NF1: variants seen among roughly 807,000 people sequenced by gnomAD.
The protein encoded by NF1 is neurofibromin 1, also known as neurofibromin.
NF1 carries 122 observed loss-of-function variants against 325.7 expected under a neutral mutation model. The ratio of observed to expected loss-of-function variants is 0.37; its 90% CI spans 0.32 to 0.44. The LOEUF (loss-of-function observed/expected upper bound fraction) is 0.44. Ranked by LOEUF, NF1 falls within the 20% of genes least tolerant of loss-of-function variation. NF1 has a pLI of 1.00. For synonymous variants in NF1, 1,091 were observed against 1,186.0 expected (o/e 0.92, Z 1.65); for missense variants, 2,140 against 3,415.4 (o/e 0.63, Z 9.31).
chr17:31,376,402 T>C lies in NF1; in HGVS notation c.*2247T>C, dbSNP rs745818146. ...TTCATACCGCCTGAAATGATCAGCA[T>C]TGGCACAAATCAAAATTCAGCCGCC... On this transcript the variant is annotated 3_prime_UTR_variant, in exon 58 of 58. Coordinates refer to ENST00000358273, the MANE Select transcript of NF1 (RefSeq NM_001042492.3). 40 of 232,920 alleles carry C rather than the reference T, an allele frequency of 1.7e-4. No homozygotes were observed. The highest frequency in any genetic ancestry group is 1.3e-3 in the Admixed American group (24 of 17,796). 14.4% of individuals were successfully genotyped at this position (232,920 alleles called of 1,614,324 possible). A position where few individuals can be genotyped will look rare whatever the true frequency, so the allele number is the denominator to read the frequency against.
intron 1 of NF1, among the ~76,000 whole-genome samples, chr17:31,115,645 T>C (rs1359767876): frequency 6.6e-6 from 1 of 152,214 alleles, no homozygotes; most frequent in Non-Finnish European, 1.5e-5. Flanking sequence ...TGATGGAGTA[T>C]GTGGTAAGAC....
intron 44 of NF1, 50 bp from the exon 45 acceptor site, chr17:31,337,975 A>T (rs780989000): frequency 6.5e-7 from 1 of 1,538,908 alleles, no homozygotes; most frequent in East Asian, 2.3e-5. Context: ...ATTATTTAGT[A>T]TATATAAACA....
chr17:31,150,157 T>C (rs1183618753), intron 1 of NF1, among the ~76,000 whole-genome samples: 1 of 152,194 alleles, frequency 6.6e-6, no homozygotes, highest in Non-Finnish European at 1.5e-5. Flanking sequence ...TTCTAGAATA[T>C]TTGCCTTTTA....
intron 25 of NF1, 59 bp from the exon 26 acceptor site, chr17:31,232,641 G>A: frequency 6.6e-7 from 1 of 1,512,512 alleles, no homozygotes; most frequent in Non-Finnish European, 9.1e-7. Context: ...GGAATGTCTG[G>A]TTAGCTTTCT....
At chr17:31,361,081 CAAAAA>C (rs60249232) in intron 57 of NF1, 84 of 46,562 alleles carry the variant, frequency 1.8e-3, no homozygotes, top group Middle Eastern at 0.019. Context: ...CATACTATAT[CAAAAA>C]AAAAAAAAAA....
At chr17:31,366,062 G>A (rs1051190755) in intron 57 of NF1, among the ~76,000 whole-genome samples, 1 of 151,460 alleles carries the variant, frequency 6.6e-6, no homozygotes, top group South Asian at 2.1e-4. Flanking sequence ...ACCCTGCTGA[G>A]TAGCTGGCAC....
At chr17:31,280,605 A>G (rs185318746) in intron 36 of NF1, among the ~76,000 whole-genome samples, 46 of 151,734 alleles carry the variant, frequency 3.0e-4, no homozygotes, top group African/African-American at 1.1e-3. Context: ...TGGGAAGGAT[A>G]TTGTAAGTGG....
In NF1 at chr17:31,271,387, A is replaced by G. The variant is rs539801135; in HGVS notation, c.4835+6048A>G. ...ATTAACACATTCATGAAATATGTTA[A>G]TACAGATGAATGTGTTATTTTGTAG... On this transcript the variant is annotated intron_variant, in intron 36 of 57. Transcript: ENST00000358273. 5.3e-5 allele frequency among the ~76,000 whole-genome samples: 8 copies of G among 152,326 alleles called. No individual in the cohort carries two copies. In the East Asian group the frequency reaches 1.5e-3, roughly 29 times the overall value.
chr17:31,305,446 G>A, intron 36 of NF1: 1 of 1,614,190 alleles, frequency 6.2e-7, no homozygotes, highest in Non-Finnish European at 8.5e-7. Flanking sequence ...TTGACCCAAA[G>A]GATTCCCTGT....
At chr17:31,140,888 A>G (rs1031819444) in intron 1 of NF1, among the ~76,000 whole-genome samples, 2 of 152,224 alleles carry the variant, frequency 1.3e-5, no homozygotes, top group Non-Finnish European at 2.9e-5. Context: ...TATATGTGGA[A>G]TGTTTTTAAA....
rs2151562117 is a variant in NF1 at position 31,340,661 on chromosome 17, C to T, written c.7062+16C>T. On this transcript the variant is annotated intron_variant, in intron 47 of 57. Transcript: ENST00000358273. The stretch of plus-strand genomic sequence containing the variant: ...CAATGACAAGGTAAGCAAACTTTGC[C>T]TTGAGGTTCCTAGATTACTCAAATT... 6.2e-7 allele frequency: 1 copy of T among 1,613,400 alleles called. No homozygotes were observed. Among genetic ancestry groups the T allele is most frequent in the African/African-American group, 1.3e-5 (1 of 75,000 alleles).
intron 35 of NF1, among the ~76,000 whole-genome samples, chr17:31,264,366 G>A (rs17886346): frequency 5.3e-5 from 8 of 151,088 alleles, no homozygotes; most frequent in Admixed American, 6.6e-5. Context: ...AGCCGAGATC[G>A]TGCCACTGCA....
intron 1 of NF1, among the ~76,000 whole-genome samples, chr17:31,119,275 A>G (rs1433327028): frequency 6.6e-6 from 1 of 151,688 alleles, no homozygotes. Context: ...CCTCTCCAGC[A>G]TCTGTTGTTT....
At chr17:31,302,893 A>G (rs1486163558) in intron 36 of NF1, among the ~76,000 whole-genome samples, 1 of 152,200 alleles carries the variant, frequency 6.6e-6, no homozygotes, top group Non-Finnish European at 1.5e-5. Flanking sequence ...ATTTTTAATG[A>G]GGAAGACAAA....
At chr17:31,209,634 C>G (rs148312528) in intron 12 of NF1, among the ~76,000 whole-genome samples, 1 of 152,136 alleles carries the variant, frequency 6.6e-6, no homozygotes, top group African/African-American at 2.4e-5. Flanking sequence ...TCTTTTAGCT[C>G]TCTCTCTTTT....
At chr17:31,275,817 AC>A (rs1367631829) in intron 36 of NF1, among the ~76,000 whole-genome samples, 1 of 152,086 alleles carries the variant, frequency 6.6e-6, no homozygotes, top group Non-Finnish European at 1.5e-5. Context: ...TAAATCTTCC[AC>A]CATATTCTGG....
At chr17:31,318,158 C>T in intron 36 of NF1, 2 of 948,684 alleles carry the variant, frequency 2.1e-6, no homozygotes, top group East Asian at 2.5e-5. Flanking sequence ...AGGCATACTT[C>T]TCCCTGTCTC....
At chr17:31,322,976 C>A (rs1034249086) in intron 36 of NF1, among the ~76,000 whole-genome samples, 4 of 152,196 alleles carry the variant, frequency 2.6e-5, no homozygotes, top group African/African-American at 9.7e-5. Flanking sequence ...ATCTTGTATA[C>A]ATCACTGTCT....
At chr17:31,131,900 A>G (rs1053925829) in intron 1 of NF1, among the ~76,000 whole-genome samples, 4 of 148,562 alleles carry the variant, frequency 2.7e-5, no homozygotes, top group African/African-American at 9.8e-5. Context: ...TTATTTCTTT[A>G]TTTTTTCATG....
Sources: gnomAD v4.1 joint callset for allele counts (sites outside exome capture counted in the v4.1 genomes callset) on GRCh38, gnomAD v4.1.1 for gene constraint, MANE v1.5 for transcripts, NCBI Gene and HGNC (gene_info 2026-07-23, HGNC 2026-07-21) for gene names.